The following FXR1 variants were observed in gnomAD, a reference collection of about 807,000 sequenced individuals.
FXR1 encodes RNA-binding protein FXR1.
Under a neutral mutation model 84.0 loss-of-function variants are expected in FXR1, and 15 were observed. That is an observed-to-expected ratio of 0.18 (90% CI 0.12 to 0.27). The LOEUF is 0.27. Ranked by LOEUF, FXR1 falls within the 10% of genes least tolerant of loss-of-function variation. FXR1 has a pLI of 1.00. For synonymous variants in FXR1, 245 were observed against 250.7 expected (o/e 0.98, Z 0.21); for missense variants, 480 against 774.4 (o/e 0.62, Z 4.51).
chr3:180,915,484 T>A, intron 1 of FXR1: 1 of 1,469,954 alleles, frequency 6.8e-7, no homozygotes, highest in Non-Finnish European at 9.2e-7. Context: ...AATTTAATTT[T>A]AATTAGTTTT....
At chr3:180,942,233 C>G (rs1217306100) in intron 3 of FXR1, among the ~76,000 whole-genome samples, 1 of 151,840 alleles carries the variant, frequency 6.6e-6, no homozygotes, top group Non-Finnish European at 1.5e-5. Context: ...AAAAAATTAG[C>G]CAGGTGTGGT....
Position 180,931,026 on chromosome 3 carries a change from CAAAAAAAAA to C in FXR1, c.52-2295_52-2287del, listed in dbSNP as rs57731098. ...CCTGGGCAACAGAGCGAGACTGCCTCAAAAAAAAAAAAAAAAAAAAAGACGTGAATGTGC... is the reference window on the plus strand; with the variant it reads ...CCTGGGCAACAGAGCGAGACTGCCTCAAAAAAAAAAAAGACGTGAATGTGC... On this transcript the variant is annotated intron_variant, in intron 1 of 16. Coordinates refer to ENST00000357559, the MANE Select transcript of FXR1 (RefSeq NM_005087.4). Among the ~76,000 whole-genome samples the C allele has an allele frequency of 2.3e-4, 13 of 55,640 alleles. 1 individual carries two copies. Among genetic ancestry groups the C allele is most frequent in the African/African-American group, 7.8e-4 (13 of 16,720 alleles). 36.5% of individuals were successfully genotyped at this position (55,640 alleles called of 152,430 possible).
At chr3:180,930,255 C>G (rs977439366) in intron 1 of FXR1, among the ~76,000 whole-genome samples, 6 of 150,882 alleles carry the variant, frequency 4.0e-5, no homozygotes, top group African/African-American at 1.5e-4. Flanking sequence ...GAGTGAGACT[C>G]CATCTCAAAA....
rs1309491414 is a variant in FXR1 at position 180,935,056 on chromosome 3, TA to T, written c.105-79del. On this transcript the variant is annotated intron_variant, in intron 2 of 16. Transcript: ENST00000357559. ...CTTCTCTTTAGGGAAAGCTAAATGA[TA>T]AACTAACTTGAAAAAATATGCAACA... 5 of 648,928 alleles carry T rather than the reference TA, an allele frequency of 7.7e-6. No individual in the cohort carries two copies. The East Asian group carries it at 1.1e-4, about 14-fold the overall frequency. 40.2% of individuals were successfully genotyped at this position (648,928 alleles called of 1,614,324 possible).
At position 180,968,136 on chromosome 3, in the gene FXR1, T is replaced by C. The variant is rs1027931549; in HGVS notation, c.1284T>C (p.Asp428=). 1.5e-5 allele frequency: 25 copies of C among 1,613,436 alleles called. No individual in the cohort carries two copies. The highest frequency in any genetic ancestry group is 1.9e-5 in the Non-Finnish European group (23 of 1,179,520). ...GTGATTGGTCATTGGCAGGAGAAGA[T>C]GATCGAGACAGCCGACATCAGCGTG... ...ELSDWSLAGE[D]DRDSRHQRDS... Residue 428 remains aspartate (D), a synonymous_variant, in exon 14 of 17, where the codon GAT becomes GAC. Coordinates refer to ENST00000357559, the MANE Select transcript of FXR1 (RefSeq NM_005087.4).
In FXR1 at chr3:180,978,110, T is replaced by C. The variant is rs1714399554; in HGVS notation, c.*1818T>C. 6.6e-6 allele frequency: 1 copy of C among 151,940 alleles called. No homozygotes were observed. The highest frequency in any genetic ancestry group is 1.5e-5 in the Non-Finnish European group (1 of 67,960). The allele number at this position is 151,940 out of a possible 1,614,324, so 9.4% of individuals were successfully genotyped here. Reference sequence around the variant, plus strand: ...AACAGGTTAAATTGTCTCAGTTCTCTTACATAATTGGGTTAAAAATTATAA... The same window carrying C: ...AACAGGTTAAATTGTCTCAGTTCTCCTACATAATTGGGTTAAAAATTATAA... On this transcript the variant is annotated 3_prime_UTR_variant, in exon 17 of 17. Transcript: ENST00000357559.
At chr3:180,962,835 CAA>C (rs1712296878) in intron 11 of FXR1, 46 bp from the exon 12 acceptor site, 3 of 1,351,546 alleles carry the variant, frequency 2.2e-6, no homozygotes, top group African/African-American at 1.5e-5. Flanking sequence ...TTTAGGAAAA[CAA>C]AAAGTTATAT....
chr3:180,968,464 T>C, intron 14 of FXR1: 1 of 426,230 alleles, frequency 2.3e-6, no homozygotes, highest in Non-Finnish European at 4.2e-6. Flanking sequence ...TGGTCAGAAC[T>C]TTAGTTGGCA....
chr3:180,935,252 T>C (rs771110750), intron 3 of FXR1, 21 bp downstream of exon 3: 3 of 1,042,040 alleles, frequency 2.9e-6, no homozygotes, highest in Admixed American at 3.7e-5. Flanking sequence ...TTAAGTTTAT[T>C]TTCTTGTGTC....
At chr3:180,913,630 G>A (rs902619199) in intron 1 of FXR1, among the ~76,000 whole-genome samples, 11 of 152,172 alleles carry the variant, frequency 7.2e-5, no homozygotes, top group Admixed American at 5.9e-4. Flanking sequence ...GAGGAATTTG[G>A]TGGGGCATTC....
At chr3:180,953,731 A>T (rs756729580) in intron 8 of FXR1, 31 bp from the exon 9 acceptor site, 1 of 1,097,064 alleles carries the variant, frequency 9.1e-7, no homozygotes, top group Non-Finnish European at 1.4e-6. Flanking sequence ...TTGAAACAGG[A>T]TTTCATTTTT....
In FXR1 at chr3:180,933,316, T is replaced by C; in HGVS notation, c.52-18T>C. On this transcript the variant is annotated intron_variant, in intron 1 of 16. Transcript: ENST00000357559. ...TGCTTTAATATCTATGCTTTTATAA[T>C]GTTTTTGTGTCTTGCAGGGATTTAT... 1.4e-6 allele frequency: 2 copies of C among 1,473,210 alleles called. No homozygotes were observed. The highest frequency in any genetic ancestry group is 1.9e-6 in the Non-Finnish European group (2 of 1,053,158). The allele number at this position is 1,473,210 out of a possible 1,614,324, so 91.3% of individuals were successfully genotyped here.
At chr3:180,936,112 G>A (rs1407086728) in intron 3 of FXR1, among the ~76,000 whole-genome samples, 2 of 151,354 alleles carry the variant, frequency 1.3e-5, no homozygotes, top group Non-Finnish European at 2.9e-5. Flanking sequence ...GGCTGTTCTC[G>A]AACTCCTGAC....
chr3:180,950,098 T>C (rs547529049), intron 7 of FXR1, among the ~76,000 whole-genome samples: 1 of 152,286 alleles, frequency 6.6e-6, no homozygotes, highest in East Asian at 1.9e-4. Context: ...CTCTGTCTTA[T>C]CCTAAGGTAC....
At position 180,912,703 on chromosome 3, in the gene FXR1, G is replaced by A. The variant is rs1344701139; in HGVS notation, c.18G>A (p.Val6=). MAELT[V]EVRGSNGAFY... ...GTTCCAACATGGCGGAGCTGACGGT[G>A]GAGGTTCGCGGCTCTAACGGGGCTT... The change falls in exon 1 of 17, where the codon GTG becomes GTA. Residue 6 remains valine, a synonymous_variant. Transcript: ENST00000357559. The A allele has an allele frequency of 6.2e-7, 1 of 1,613,976 alleles. No individual in the cohort carries two copies.
At chr3:180,969,464 T>C (rs1315098104) in intron 14 of FXR1, among the ~76,000 whole-genome samples, 3 of 152,236 alleles carry the variant, frequency 2.0e-5, no homozygotes, top group African/African-American at 7.2e-5. Context: ...ATTTTTCTTA[T>C]GAATTGTACC....
intron 1 of FXR1, among the ~76,000 whole-genome samples, chr3:180,929,899 A>G (rs987036153): frequency 8.5e-5 from 13 of 152,230 alleles, no homozygotes; most frequent in Admixed American, 3.3e-4. Flanking sequence ...TACAGTCCAA[A>G]TAGATTTTAA....
At chr3:180,925,329 C>T (rs148237468) in intron 1 of FXR1, among the ~76,000 whole-genome samples, 81 of 150,678 alleles carry the variant, frequency 5.4e-4, no homozygotes, top group African/African-American at 9.0e-4. Flanking sequence ...CATTGCACTC[C>T]GGCCTGGGCA....
intron 14 of FXR1, 108 bp from the exon 15 acceptor site, chr3:180,970,050 T>C (rs1034992852): frequency 1.5e-5 from 8 of 542,348 alleles, no homozygotes; most frequent in Non-Finnish European, 2.8e-5. Context: ...TGCATTTTTA[T>C]TGGGGGAGAC....
Sources: gnomAD v4.1 joint callset for allele counts (sites outside exome capture counted in the v4.1 genomes callset) on GRCh38, gnomAD v4.1.1 for gene constraint, MANE v1.5 for transcripts, NCBI Gene and HGNC (gene_info 2026-07-23, HGNC 2026-07-21) for gene names.